Variants in SERINC5 observed in about 807,000 individuals in gnomAD.
The protein encoded by SERINC5 is serine incorporator 5, also known as chromosome 5 open reading frame 12.
Under a neutral mutation model 63.1 loss-of-function variants are expected in SERINC5, and 41 were observed. That is an observed-to-expected ratio of 0.65 (90% CI 0.51 to 0.84). The LOEUF (loss-of-function observed/expected upper bound fraction) is 0.84. SERINC5 is among the 40% of genes least tolerant of loss of function. The pLI, the probability that SERINC5 is intolerant of heterozygous loss-of-function variation, is 0.00. For synonymous variants in SERINC5, 222 were observed against 215.2 expected, an observed-to-expected ratio of 1.03 and a Z score of -0.28; for missense variants, 523 against 573.0, an observed-to-expected ratio of 0.91 and a Z score of 0.89.
At chr5:80,203,509 C>CA (rs1461322623) in intron 1 of SERINC5, among the ~76,000 whole-genome samples, 1 of 151,666 alleles carries the variant, frequency 6.6e-6, no homozygotes, top group Non-Finnish European at 1.5e-5. Flanking sequence ...CCATCTCTTA[C>CA]AAAAAATTTT....
chr5:80,198,129 C>T (rs938675422), intron 2 of SERINC5, among the ~76,000 whole-genome samples: 1 of 152,140 alleles, frequency 6.6e-6, no homozygotes, highest in Non-Finnish European at 1.5e-5. Flanking sequence ...TGAGCCACCA[C>T]ACCCGGCCTC....
intron 7 of SERINC5, among the ~76,000 whole-genome samples, chr5:80,159,549 C>A (rs988864647): frequency 6.6e-6 from 1 of 151,988 alleles, no homozygotes; most frequent in African/African-American, 2.4e-5. Flanking sequence ...AAAATGGTGT[C>A]TTTTTATATG....
intron 1 of SERINC5, among the ~76,000 whole-genome samples, chr5:80,226,725 T>C (rs1262499067): frequency 6.6e-6 from 1 of 152,158 alleles, no homozygotes; most frequent in Non-Finnish European, 1.5e-5. Context: ...GTGATACTAA[T>C]AATAATTTTT....
chr5:80,184,092 TG>T (rs1482796128), intron 2 of SERINC5, among the ~76,000 whole-genome samples: 1 of 152,200 alleles, frequency 6.6e-6, no homozygotes, highest in Non-Finnish European at 1.5e-5. Context: ...AAGTTACACC[TG>T]TATGAGTAGT....
chr5:80,202,842 A>G (rs1297876859), intron 2 of SERINC5, 44 bp downstream of exon 2: 1 of 1,569,424 alleles, frequency 6.4e-7, no homozygotes. Context: ...ACACACCCTC[A>G]TCAAACATCG....
At chr5:80,186,200 G>A (rs1454457655) in intron 2 of SERINC5, among the ~76,000 whole-genome samples, 7 of 143,970 alleles carry the variant, frequency 4.9e-5, no homozygotes, top group South Asian at 2.3e-4. Flanking sequence ...ACAGTGGTGC[G>A]ATTTCAGCTC....
At chr5:80,178,162 A>G in intron 2 of SERINC5, 98 bp from the exon 3 acceptor site, 3 of 668,594 alleles carry the variant, frequency 4.5e-6, no homozygotes, top group Non-Finnish European at 7.5e-6. Context: ...CACTGTGGAA[A>G]TGGATCGTGT....
At chr5:80,218,344 G>A (rs914495865) in intron 1 of SERINC5, among the ~76,000 whole-genome samples, 4 of 152,078 alleles carry the variant, frequency 2.6e-5, no homozygotes, top group East Asian at 3.9e-4. Context: ...AGTTCTAGAC[G>A]AGCCTGACCA....
chr5:80,141,288 T>G lies in SERINC5; in HGVS notation c.*2375A>C, dbSNP rs1300083333. 1 of 985,378 alleles carries G rather than the reference T, an allele frequency of 1.0e-6. No homozygotes were observed. Among genetic ancestry groups the G allele is most frequent in the Non-Finnish European group, 1.2e-6 (1 of 829,932 alleles). 61.0% of individuals were successfully genotyped at this position (985,378 alleles called of 1,614,324 possible). ...GGATGTCACAAACCAGACTCACGCA[T>G]CTGGAAAACGTTGTGTGGCTGGGCT... On this transcript the variant is annotated 3_prime_UTR_variant, in exon 12 of 12. Transcript: ENST00000507668.
chr5:80,244,255 A>G (rs917834794), intron 1 of SERINC5, among the ~76,000 whole-genome samples: 13 of 149,334 alleles, frequency 8.7e-5, no homozygotes, highest in African/African-American at 3.0e-4. Flanking sequence ...TCGTTCTGTC[A>G]CCCAGGCTGG....
At chr5:80,137,138 TCAAAAA>T (rs1745214823), downstream of SERINC5, among the ~76,000 whole-genome samples, 1 of 30,764 alleles carries the variant, frequency 3.3e-5, no homozygotes, top group African/African-American at 9.9e-5. Context: ...AGACCCTGTC[TCAAAAA>T]AAAAAAAAAA....
chr5:80,237,793 G>C (rs747082669), intron 1 of SERINC5, among the ~76,000 whole-genome samples: 1 of 151,912 alleles, frequency 6.6e-6, no homozygotes, highest in Non-Finnish European at 1.5e-5. Context: ...AGCCCTGCTG[G>C]AACTCTTGCT....
At chr5:80,223,754 C>T (rs138191583) in intron 1 of SERINC5, among the ~76,000 whole-genome samples, 1 of 152,256 alleles carries the variant, frequency 6.6e-6, no homozygotes, top group East Asian at 1.9e-4. Flanking sequence ...GTGGGTAGCT[C>T]TCACCATAGC....
chr5:80,156,995 T>TTC (rs1445078605), intron 8 of SERINC5: 4 of 95,760 alleles, frequency 4.2e-5, no homozygotes, highest in African/African-American at 2.2e-4. Context: ...TTTTTTTTCT[T>TTC]TTTTTTTTTT....
chr5:80,159,005 C>G, intron 7 of SERINC5, 43 bp from the exon 8 acceptor site: 2 of 1,608,120 alleles, frequency 1.2e-6, no homozygotes, highest in African/African-American at 2.7e-5. Context: ...AGTACAAAGG[C>G]CAGTTGTAAC....
chr5:80,196,978 A>G, intron 2 of SERINC5, among the ~76,000 whole-genome samples: 1 of 138,676 alleles, frequency 7.2e-6, no homozygotes, highest in Non-Finnish European at 1.6e-5. Flanking sequence ...AAAATGTTAT[A>G]TTCATACAAC....
chr5:80,147,130 T>A, intron 10 of SERINC5, 115 bp downstream of exon 10: 1 of 947,014 alleles, frequency 1.1e-6, no homozygotes, highest in Non-Finnish European at 1.6e-6. Flanking sequence ...AGCTTTAGAA[T>A]AAAACTTTCT....
At chr5:80,160,020 A>G (rs571832963) in intron 7 of SERINC5, among the ~76,000 whole-genome samples, 3 of 152,246 alleles carry the variant, frequency 2.0e-5, no homozygotes, top group African/African-American at 7.2e-5. Context: ...ATCCATCCCA[A>G]AGAAGGGGTA....
intron 9 of SERINC5, 108 bp downstream of exon 9, chr5:80,150,773 GA>G: frequency 1.2e-6 from 1 of 835,446 alleles, no homozygotes; most frequent in Middle Eastern, 2.2e-4. Context: ...TTCCTCAGCA[GA>G]AAAACAGGAT....
Sources: gnomAD v4.1 joint callset for allele counts (sites outside exome capture counted in the v4.1 genomes callset) on GRCh38, gnomAD v4.1.1 for gene constraint, MANE v1.5 for transcripts, NCBI Gene and HGNC (gene_info 2026-07-23, HGNC 2026-07-21) for gene names.